Variants in USH2A observed in about 807,000 individuals in gnomAD.
USH2A encodes the protein usherin, also known as Usher syndrome 2A (autosomal recessive, mild).
USH2A carries 443 observed loss-of-function variants against 538.9 expected under a neutral mutation model. The observed-to-expected ratio is 0.82, with a 90% CI of 0.76 to 0.89. The LOEUF (loss-of-function observed/expected upper bound fraction) is 0.89, where lower values mean the gene tolerates loss of function less well. USH2A is among the 40% of genes least tolerant of loss of function. The pLI is 0.00. For synonymous variants in USH2A, 2,413 were observed against 2,273.5 expected (o/e 1.06, Z -1.75); for missense variants, 6,633 against 6,324.8 (o/e 1.05, Z -1.65).
chr1:215,993,046 G>T lies in USH2A; in HGVS notation c.6779C>A (p.Ser2260Tyr), dbSNP rs1349610745. Residue 2260 changes from serine to tyrosine, a missense_variant, in exon 35 of 72, where the codon TCC (serine) becomes TAC (tyrosine). By Grantham distance (144) the Ser-to-Tyr change is moderately radical. Coordinates refer to ENST00000307340, the MANE Select transcript of USH2A (RefSeq NM_206933.4). ...ATTCGGATATTCAGGCTCAGTCCAGGAGACATTAAAGGAGTCAGGTGAATA... is the reference window on the plus strand; with the variant it reads ...ATTCGGATATTCAGGCTCAGTCCAGTAGACATTAAAGGAGTCAGGTGAATA... ...HSYSPDSFNVSWTEPEYPNGV... is the reference protein window; with the variant it reads ...HSYSPDSFNVYWTEPEYPNGV... 20 of 1,613,988 alleles carry T rather than the reference G, an allele frequency of 1.2e-5. No individual in the cohort carries two copies. Among genetic ancestry groups the T allele is most frequent in the Non-Finnish European group, 1.7e-5 (20 of 1,179,974 alleles).
At chr1:215,870,414 C>A (rs2102443764) in intron 43 of USH2A, among the ~76,000 whole-genome samples, 1 of 150,954 alleles carries the variant, frequency 6.6e-6, no homozygotes, top group Non-Finnish European at 1.5e-5. Context: ...CCTGCCTCAG[C>A]CTTGAGAGTA....
At chr1:215,829,521 G>T (rs1339471468) in intron 47 of USH2A, among the ~76,000 whole-genome samples, 1 of 152,156 alleles carries the variant, frequency 6.6e-6, no homozygotes, top group Non-Finnish European at 1.5e-5. Context: ...TGCTAGAGAA[G>T]TAGACCCCGT....
rs1181526755 is a variant in USH2A, at chr1:215,816,977, A to G, written c.9570+20T>C. Reference sequence around the variant, plus strand: ...TGAGTGAGAAAAACATGGTTCACTGATTAGTTAGAAAAGACTTACCTTAGC... The same window carrying G: ...TGAGTGAGAAAAACATGGTTCACTGGTTAGTTAGAAAAGACTTACCTTAGC... On this transcript the variant is annotated intron_variant, in intron 48 of 71. Transcript: ENST00000307340. 1 of 1,611,232 alleles carries G rather than the reference A, an allele frequency of 6.2e-7. No individual in the cohort carries two copies. Among genetic ancestry groups the G allele is most frequent in the African/African-American group, 1.3e-5 (1 of 74,814 alleles).
At chr1:215,632,903 C>T (rs568736169) in intron 70 of USH2A, among the ~76,000 whole-genome samples, 120 of 152,264 alleles carry the variant, frequency 7.9e-4, no homozygotes, top group Non-Finnish European at 1.6e-3. Context: ...AGTGATCACT[C>T]GACATTCATT....
chr1:216,403,193 A>G (rs1196334761), intron 3 of USH2A, among the ~76,000 whole-genome samples: 1 of 152,172 alleles, frequency 6.6e-6, no homozygotes, highest in Non-Finnish European at 1.5e-5. Flanking sequence ...TCATATAATC[A>G]TATCAATTGA....
At chr1:215,657,320 T>TA (rs2102650059) in intron 64 of USH2A, among the ~76,000 whole-genome samples, 1 of 152,380 alleles carries the variant, frequency 6.6e-6, no homozygotes, top group South Asian at 2.1e-4. Context: ...TATGTTTGAA[T>TA]AGCAATATGC....
At chr1:216,120,805 G>A (rs1185264118) in intron 21 of USH2A, among the ~76,000 whole-genome samples, 1 of 151,960 alleles carries the variant, frequency 6.6e-6, no homozygotes, top group East Asian at 2.0e-4. Flanking sequence ...GAGCCGAGAT[G>A]GCGCCACTGC....
intron 11 of USH2A, among the ~76,000 whole-genome samples, chr1:216,254,035 T>G (rs1158118370): frequency 2.0e-5 from 3 of 152,164 alleles, no homozygotes; most frequent in African/African-American, 7.2e-5. Context: ...ATTGCCTTGA[T>G]TCTTGCCAAA....
At chr1:216,338,868 A>C (rs2038023458) in intron 4 of USH2A, among the ~76,000 whole-genome samples, 1 of 151,680 alleles carries the variant, frequency 6.6e-6, no homozygotes, top group African/African-American at 2.4e-5. Context: ...AAAATGTTGG[A>C]AAACAAAACA....
At position 215,675,026 on chromosome 1, in the gene USH2A, G is replaced by T; in HGVS notation, c.12885C>A (p.Ile4295=). ...WIPPEQSNGI[I]QSYRLQRNEM... ...CATTCCTTTGAAGCCTATAGGACTGGATAATACCATTAGACTGTTCTGGTG... is the reference window on the plus strand; with the variant it reads ...CATTCCTTTGAAGCCTATAGGACTGTATAATACCATTAGACTGTTCTGGTG... Residue 4295 remains isoleucine (I), a synonymous_variant, in exon 63 of 72, where the codon ATC becomes ATA. Coordinates refer to ENST00000307340, the MANE Select transcript of USH2A (RefSeq NM_206933.4). 6.2e-7 allele frequency: 1 copy of T among 1,614,152 alleles called. No homozygotes were observed. The highest frequency in any genetic ancestry group is 8.5e-7 in the Non-Finnish European group (1 of 1,180,028).
chr1:216,247,913 G>C (rs370999314), intron 12 of USH2A, among the ~76,000 whole-genome samples: 14 of 151,746 alleles, frequency 9.2e-5, no homozygotes, highest in African/African-American at 3.4e-4. Context: ...TTATACCTTC[G>C]TGAAGCTGGG....
At chr1:215,827,882 G>A (rs1227554284) in intron 47 of USH2A, among the ~76,000 whole-genome samples, 2 of 151,936 alleles carry the variant, frequency 1.3e-5, no homozygotes, top group African/African-American at 4.8e-5. Flanking sequence ...TTCTTGTAAT[G>A]TTAAATAATT....
chr1:216,146,832 T>C (rs2033716622), intron 21 of USH2A, among the ~76,000 whole-genome samples: 1 of 152,250 alleles, frequency 6.6e-6, no homozygotes, highest in East Asian at 1.9e-4. Flanking sequence ...TTCCTCCTTC[T>C]TCTCCTTTAG....
chr1:216,232,479 A>G (rs922414735), intron 13 of USH2A, among the ~76,000 whole-genome samples: 1 of 152,204 alleles, frequency 6.6e-6, no homozygotes, highest in Non-Finnish European at 1.5e-5. Flanking sequence ...ACACTGAGGT[A>G]CCTTTGGTAG....
In USH2A at chr1:215,637,164, T is replaced by C. The variant is rs150058811; in HGVS notation, c.15052+1991A>G. Among the ~76,000 whole-genome samples, 117 of 152,242 alleles carry C rather than the reference T, an allele frequency of 7.7e-4. 1 individual carries two copies. Among genetic ancestry groups the C allele is most frequent in the Non-Finnish European group, 1.4e-3 (96 of 68,010 alleles). ...AGTAAATCCGTCTCTGTTGATGGCCTGCCTCCAGGAACAACACACTTCCCA... is the reference window on the plus strand; with the variant it reads ...AGTAAATCCGTCTCTGTTGATGGCCCGCCTCCAGGAACAACACACTTCCCA... On this transcript the variant is annotated intron_variant, in intron 69 of 71. Coordinates refer to ENST00000307340, the MANE Select transcript of USH2A (RefSeq NM_206933.4).
rs1207567793 is a variant in USH2A, at chr1:215,647,702, G to A, written c.14611C>T (p.Pro4871Ser). The change falls in exon 67 of 72, where the codon CCT (proline) becomes TCT (serine). Residue 4871 changes from proline to serine, a missense_variant. Transcript: ENST00000307340. ...SYELQFHVAC[P>S]PDSALPCTPS... is the part of the protein sequence containing the mutation. ...GTACAGGGGAGGGCTGAGTCAGGAG[G>A]GCAAGCCACGTGGAATTGGAGTTCA... The A allele has an allele frequency of 1.2e-6, 2 of 1,614,142 alleles. No individual in the cohort carries two copies. Among genetic ancestry groups the A allele is most frequent in the Non-Finnish European group, 1.7e-6 (2 of 1,180,036 alleles).
chr1:215,713,255 C>T (rs550405825), intron 61 of USH2A, among the ~76,000 whole-genome samples: 7 of 152,284 alleles, frequency 4.6e-5, no homozygotes, highest in Middle Eastern at 3.4e-3. Flanking sequence ...TTACTGAGTG[C>T]CGTCTCAGTT....
chr1:216,054,796 C>A (rs549783941), intron 30 of USH2A, among the ~76,000 whole-genome samples: 4 of 152,184 alleles, frequency 2.6e-5, no homozygotes, highest in South Asian at 4.2e-4. Flanking sequence ...ATGGTAAACA[C>A]CTTGGCCTGT....
At chr1:215,647,241 G>T (rs1221602819) in intron 67 of USH2A, among the ~76,000 whole-genome samples, 2 of 152,092 alleles carry the variant, frequency 1.3e-5, no homozygotes, top group African/African-American at 4.8e-5. Flanking sequence ...ACCAGTGTTT[G>T]TTCATTTTCT....
Sources: allele counts gnomAD v4.1 joint callset (sites outside exome capture counted in the v4.1 genomes callset), GRCh38; gene constraint gnomAD v4.1.1; transcripts MANE v1.5; gene names NCBI Gene and HGNC (gene_info 2026-07-23, HGNC 2026-07-21).